The following TSC1 variants were observed in gnomAD, a reference collection of about 807,000 sequenced individuals.
TSC1 encodes TSC complex subunit 1.
Under a neutral mutation model 124.3 loss-of-function variants are expected in TSC1, and 20 were observed. The observed-to-expected ratio is 0.16, with a 90% CI of 0.11 to 0.23. TSC1 has a LOEUF of 0.23. TSC1 is among the 10% of genes least tolerant of loss of function. TSC1 has a pLI of 1.00. For synonymous variants in TSC1, 493 were observed against 539.1 expected, an observed-to-expected ratio of 0.91 and a Z score of 1.19; for missense variants, 1,124 against 1,448.5, an observed-to-expected ratio of 0.78 and a Z score of 3.64.
intron 3 of TSC1, among the ~76,000 whole-genome samples, chr9:132,928,261 T>C (rs1846999275): frequency 6.6e-6 from 1 of 152,198 alleles, no homozygotes. Context: ...CAGATTCTTA[T>C]AAATGGCCCA....
rs1845509575 is a variant in TSC1, at chr9:132,903,790, G to C, written c.2069C>G (p.Thr690Ser). 1 of 1,614,026 alleles carries C rather than the reference G, an allele frequency of 6.2e-7. No individual in the cohort carries two copies. Among genetic ancestry groups the C allele is most frequent in the Non-Finnish European group, 8.5e-7 (1 of 1,180,048 alleles). The change falls in exon 17 of 23, where the codon ACC (threonine) becomes AGC (serine). Residue 690 changes from threonine (T) to serine (S), a missense_variant. Physicochemically the swap from Thr to Ser is moderately conservative, Grantham distance 58. Transcript: ENST00000298552. This position sits in a 1 kb window ranked among gnomAD's most constrained non-coding sequence, Gnocchi z 5.9. ...CAGTAAAAGCAACTGGTCTCGGAGG[G>C]TGCGGATCTCATCTGAAGGAGGAGA... ...GGSPPSDEIRTLRDQLLLLHN... is the reference protein window; with the variant it reads ...GGSPPSDEIRSLRDQLLLLHN...
At chr9:132,927,408 G>T in intron 3 of TSC1, 104 bp from the exon 4 acceptor site, 1 of 1,036,954 alleles carries the variant, frequency 9.6e-7, no homozygotes, top group Non-Finnish European at 1.5e-6. Flanking sequence ...TTCTTTATAT[G>T]CTATTCTAAG....
chr9:132,934,465 C>G (rs1204782947), intron 2 of TSC1: 2 of 152,252 alleles, frequency 1.3e-5, no homozygotes, highest in African/African-American at 4.8e-5. Context: ...TGCTCACTCA[C>G]CAGCTCAAGG....
At chr9:132,943,049 G>A (rs1847822915) in intron 1 of TSC1, among the ~76,000 whole-genome samples, 1 of 152,176 alleles carries the variant, frequency 6.6e-6, no homozygotes, top group African/African-American at 2.4e-5. Context: ...GCTCCCCAAA[G>A]ATTAGGTTTT....
intron 1 of TSC1, among the ~76,000 whole-genome samples, chr9:132,935,568 C>T (rs1564510846): frequency 6.6e-6 from 1 of 152,230 alleles, no homozygotes; most frequent in South Asian, 2.1e-4. Flanking sequence ...GCCCTCGGCA[C>T]AGCACGGGGC....
At chr9:132,919,213 C>G (rs1192797603) in intron 8 of TSC1, among the ~76,000 whole-genome samples, 4 of 152,150 alleles carry the variant, frequency 2.6e-5, no homozygotes, top group Non-Finnish European at 4.4e-5. Flanking sequence ...GGTATAATCT[C>G]GCAGAACCAC....
rs1845123378 is a variant in TSC1, at chr9:132,897,251, C to T, written c.2908G>A (p.Glu970Lys). The T allele has an allele frequency of 3.1e-6, 5 of 1,614,236 alleles. No individual in the cohort carries two copies. The highest frequency in any genetic ancestry group is 4.2e-6 in the Non-Finnish European group (5 of 1,180,044). The change falls in exon 22 of 23, where the codon GAG (glutamate) becomes AAG (lysine). Residue 970 changes from glutamate to lysine, a missense_variant. Transcript: ENST00000298552. ...AGTTTTTTCAGGAGGCCATCTTTCT[C>T]CAACCTGCCATATAAATCTAAGATC... ...LEILDLYGRL[E>K]KDGLLKKLEE...
In TSC1 at chr9:132,940,239, T is replaced by TA. The variant is rs746021403; in HGVS notation, c.-144+4303dup. 4.6e-3 allele frequency among the ~76,000 whole-genome samples: 640 copies of TA among 140,254 alleles called. 1 individual carries two copies. The highest frequency in any genetic ancestry group is 0.014 in the African/African-American group (534 of 38,484). The allele number at this position is 140,254 out of a possible 152,430, so 92.0% of individuals were successfully genotyped here. A position where few individuals can be genotyped will look rare whatever the true frequency, so the allele number is the denominator to read the frequency against. ...ACTTGGGCCTTTCCTGACTACTAGT[T>TA]AAAAAAAAAAAAAAGTTTTTTAATA... On this transcript the variant is annotated intron_variant, in intron 1 of 22. Transcript: ENST00000298552.
At chr9:132,918,649 G>A (rs1846386483) in intron 8 of TSC1, among the ~76,000 whole-genome samples, 1 of 152,070 alleles carries the variant, frequency 6.6e-6, no homozygotes, top group Non-Finnish European at 1.5e-5. Flanking sequence ...CTCACCACCA[G>A]CCTCTTTCCC....
At chr9:132,905,523 C>T (rs1227239689) in intron 15 of TSC1, 58 bp downstream of exon 15, 1 of 1,608,996 alleles carries the variant, frequency 6.2e-7, no homozygotes, top group Non-Finnish European at 8.5e-7. Flanking sequence ...CTTACACTTT[C>T]TGTACTTCAC....
In TSC1 at chr9:132,907,378, G is replaced by C. The variant is rs2131883609; in HGVS notation, c.1264-8C>G. The C allele has an allele frequency of 6.2e-7, 1 of 1,611,364 alleles. No homozygotes were observed. The highest frequency in any genetic ancestry group is 2.2e-5 in the East Asian group (1 of 44,864). On this transcript the variant is annotated splice_polypyrimidine_tract_variant and splice_region_variant and intron_variant, in intron 12 of 22. Transcript: ENST00000298552. ...AGAATCCATTCTCTCTTCCTGAAAAGATAAGTATCATTTATATCACAAGAC... is the reference window on the plus strand; with the variant it reads ...AGAATCCATTCTCTCTTCCTGAAAACATAAGTATCATTTATATCACAAGAC...
At chr9:132,907,446 T>A in intron 12 of TSC1, 76 bp from the exon 13 acceptor site, 2 of 1,215,554 alleles carry the variant, frequency 1.6e-6, no homozygotes, top group Non-Finnish European at 1.2e-6. Context: ...TAAAGTAGTT[T>A]AAAGGTCAGC....
chr9:132,898,511 A>G (rs148399473), intron 20 of TSC1, among the ~76,000 whole-genome samples: 56 of 152,306 alleles, frequency 3.7e-4, no homozygotes, highest in African/African-American at 1.3e-3. Flanking sequence ...GGTAAGCCCA[A>G]TGCTTCCTTG....
Position 132,917,286 on chromosome 9 carries a change from T to G in TSC1, c.737+4077A>C, listed in dbSNP as rs748856919. 8.5e-5 allele frequency among the ~76,000 whole-genome samples: 13 copies of G among 152,268 alleles called. No individual in the cohort carries two copies. In the South Asian group the frequency reaches 1.2e-3, roughly 15 times the overall value. On this transcript the variant is annotated intron_variant, in intron 8 of 22. Coordinates refer to ENST00000298552, the MANE Select transcript of TSC1 (RefSeq NM_000368.5). ...TATCCTTCAATCCTAGGATTTTTTTTTTGTTGTATTATTTCTTTCACAATT... is the reference window on the plus strand; with the variant it reads ...TATCCTTCAATCCTAGGATTTTTTTGTTGTTGTATTATTTCTTTCACAATT...
In TSC1 at chr9:132,925,701, G is replaced by C. The variant is rs145783693; in HGVS notation, c.249C>G (p.Ala83=). ...ACGAGAGGATGGATAAACGAGTGGC[G>C]GCTTTGCCCACATATTCGTTAATCC... is the stretch of plus-strand genomic sequence containing the variant. The part of the protein sequence containing the change: ...LDRINEYVGK[A]ATRLSILSLL... The change falls in exon 5 of 23, where the codon GCC becomes GCG. Residue 83 remains alanine, a synonymous_variant. Transcript: ENST00000298552. The C allele has an allele frequency of 6.2e-7, 1 of 1,614,160 alleles. No homozygotes were observed. The highest frequency in any genetic ancestry group is 8.5e-7 in the Non-Finnish European group (1 of 1,180,030).
rs1404052957 is a variant in TSC1 at position 132,893,731 on chromosome 9, T to C, written c.*2504A>G. 1 of 233,016 alleles carries C rather than the reference T, an allele frequency of 4.3e-6. No individual in the cohort carries two copies. The highest frequency in any genetic ancestry group is 8.5e-6 in the Non-Finnish European group (1 of 117,962). The allele number at this position is 233,016 out of a possible 1,614,324, so 14.4% of individuals were successfully genotyped here. A position where few individuals can be genotyped will look rare whatever the true frequency, so the allele number is the denominator to read the frequency against. On this transcript the variant is annotated 3_prime_UTR_variant, in exon 23 of 23. Transcript: ENST00000298552. ...GCCATCCAATCCCAATATTTATGAA[T>C]ACCAAGCTGCTTAATTGGTTTCAAG...
intron 1 of TSC1, among the ~76,000 whole-genome samples, chr9:132,942,996 T>C (rs1284980795): frequency 6.6e-6 from 1 of 152,242 alleles, no homozygotes; most frequent in Non-Finnish European, 1.5e-5. Flanking sequence ...TACTCAGGAA[T>C]GTTCAATTTA....
chr9:132,897,396 A>G, intron 21 of TSC1, 27 bp downstream of exon 21: 2 of 1,614,228 alleles, frequency 1.2e-6, no homozygotes, highest in Non-Finnish European at 1.7e-6. Flanking sequence ...TAATAAAAAC[A>G]CAAAAGCCTT....
intron 3 of TSC1, among the ~76,000 whole-genome samples, chr9:132,927,576 G>A (rs1156235737): frequency 7.5e-6 from 1 of 132,598 alleles, no homozygotes; most frequent in African/African-American, 2.8e-5. Flanking sequence ...AGGCTGGAGT[G>A]CAGTGGCACA....
Sources: gnomAD v4.1 joint callset for allele counts (sites outside exome capture counted in the v4.1 genomes callset) on GRCh38, gnomAD v4.1.1 for gene constraint, Gnocchi (gnomAD v3.1) non-coding constraint, MANE v1.5 for transcripts, NCBI Gene and HGNC (gene_info 2026-07-23, HGNC 2026-07-21) for gene names.